The following GRM7 variants were observed in gnomAD, a reference collection of about 807,000 sequenced individuals.
GRM7 encodes the protein metabotropic glutamate receptor 7.
In GRM7, 35 loss-of-function variants were observed where a neutral mutation model predicts 84.5. The ratio of observed to expected loss-of-function variants is 0.41; its 90% CI spans 0.32 to 0.55. The LOEUF (loss-of-function observed/expected upper bound fraction) is 0.55. Among genes scored for constraint, GRM7 ranks in the 20% least tolerant of loss-of-function variants. The pLI is 0.19. For synonymous variants in GRM7, 487 were observed against 455.1 expected (o/e 1.07, Z -0.89); for missense variants, 1,003 against 1,194.6 (o/e 0.84, Z 2.36).
chr3:7,516,291 C>T (rs1381478793), intron 7 of GRM7, among the ~76,000 whole-genome samples: 1 of 149,920 alleles, frequency 6.7e-6, no homozygotes, highest in Non-Finnish European at 1.5e-5. Context: ...TCCTGGCTAA[C>T]ATGGTGAAAC....
chr3:7,600,440 G>C (rs1044905183), intron 8 of GRM7, among the ~76,000 whole-genome samples: 8 of 152,076 alleles, frequency 5.3e-5, no homozygotes, highest in African/African-American at 1.9e-4. Flanking sequence ...AGAGCTCTTA[G>C]TTGTCAATAA....
chr3:7,725,732 C>G (rs538827589), intron 9 of GRM7, among the ~76,000 whole-genome samples: 15 of 152,180 alleles, frequency 9.9e-5, no homozygotes, highest in Non-Finnish European at 1.9e-4. Flanking sequence ...AGATGCATGA[C>G]TTAGTCCAGA....
At chr3:6,876,436 A>G (rs944088820) in intron 1 of GRM7, among the ~76,000 whole-genome samples, 1 of 152,068 alleles carries the variant, frequency 6.6e-6, no homozygotes, top group Admixed American at 6.5e-5. Flanking sequence ...GTTTCATCCA[A>G]GTTTTTTGAG....
intron 2 of GRM7, among the ~76,000 whole-genome samples, chr3:7,199,232 A>G (rs988331794): frequency 6.6e-6 from 1 of 152,226 alleles, no homozygotes; most frequent in African/African-American, 2.4e-5. Context: ...TCTGTTCACC[A>G]TGCCATAAAG....
chr3:7,039,062 T>C (rs1221707150), intron 1 of GRM7, among the ~76,000 whole-genome samples: 1 of 152,172 alleles, frequency 6.6e-6, no homozygotes, highest in Non-Finnish European at 1.5e-5. Flanking sequence ...TGATGCATGG[T>C]CAAGTTTGAG....
At chr3:7,415,360 G>A (rs1199427102) in intron 5 of GRM7, among the ~76,000 whole-genome samples, 197 bp downstream of exon 5, 1 of 152,126 alleles carries the variant, frequency 6.6e-6, no homozygotes, top group African/African-American at 2.4e-5. Flanking sequence ...ATTCTTTTCT[G>A]CCTATCTAGC....
intron 1 of GRM7, among the ~76,000 whole-genome samples, chr3:7,025,172 A>G (rs1391838274): frequency 6.6e-6 from 1 of 152,136 alleles, no homozygotes; most frequent in East Asian, 1.9e-4. Context: ...GGGAATCCAT[A>G]TTATTTCACT....
intron 1 of GRM7, among the ~76,000 whole-genome samples, chr3:6,959,222 G>A (rs1460769623): frequency 6.6e-6 from 1 of 152,154 alleles, no homozygotes; most frequent in Non-Finnish European, 1.5e-5. Flanking sequence ...GCTTAGAGAA[G>A]TTAAGTACCT....
At chr3:7,438,543 C>A (rs1697152253) in intron 5 of GRM7, among the ~76,000 whole-genome samples, 1 of 152,026 alleles carries the variant, frequency 6.6e-6, no homozygotes, top group South Asian at 2.1e-4. Context: ...TGCAGTACCT[C>A]TGGGCAAATA....
chr3:7,189,560 A>C (rs1236550657), intron 2 of GRM7, among the ~76,000 whole-genome samples: 1 of 152,180 alleles, frequency 6.6e-6, no homozygotes, highest in African/African-American at 2.4e-5. Flanking sequence ...AAATATTCTG[A>C]GAGATATTTA....
chr3:6,937,827 G>C (rs1053580580), intron 1 of GRM7, among the ~76,000 whole-genome samples: 1 of 152,186 alleles, frequency 6.6e-6, no homozygotes, highest in Non-Finnish European at 1.5e-5. Flanking sequence ...TGGCAAGCTT[G>C]TTGTTGTGGT....
At chr3:6,884,117 T>C (rs1238982234) in intron 1 of GRM7, 1 of 152,658 alleles carries the variant, frequency 6.6e-6, no homozygotes, top group Non-Finnish European at 1.5e-5. Context: ...ATTTGACAGA[T>C]CTATTCAGTA....
At chr3:6,950,978 G>A (rs1026657289) in intron 1 of GRM7, among the ~76,000 whole-genome samples, 3 of 152,190 alleles carry the variant, frequency 2.0e-5, no homozygotes, top group Admixed American at 6.5e-5. Flanking sequence ...ACTAGGAAAG[G>A]GAATTCCCTG....
chr3:7,058,859 G>A (rs1344572007), intron 1 of GRM7, among the ~76,000 whole-genome samples: 2 of 151,820 alleles, frequency 1.3e-5, no homozygotes, highest in Non-Finnish European at 2.9e-5. Context: ...AGGCAGAGGA[G>A]AACAAAGGAA....
intron 7 of GRM7, among the ~76,000 whole-genome samples, chr3:7,528,540 T>A (rs66578992): frequency 0.31 from 47,078 of 151,880 alleles, 8,746 homozygotes; most frequent in African/African-American, 0.52. Flanking sequence ...TGCTTTTAGT[T>A]ATTTTTTTTC....
At chr3:7,293,271 T>C (rs1699699106) in intron 2 of GRM7, among the ~76,000 whole-genome samples, 2 of 152,126 alleles carry the variant, frequency 1.3e-5, no homozygotes, top group Admixed American at 1.3e-4. Context: ...GTGGTGTGAT[T>C]CCTGAGATTC....
chr3:7,076,867 A>C (rs1009350932), intron 1 of GRM7, among the ~76,000 whole-genome samples: 3 of 152,324 alleles, frequency 2.0e-5, no homozygotes, highest in South Asian at 4.1e-4. Flanking sequence ...TCTACAAGGA[A>C]CTTAAATTTA....
chr3:7,026,205 G>A (rs1275188140), intron 1 of GRM7, among the ~76,000 whole-genome samples: 1 of 152,184 alleles, frequency 6.6e-6, no homozygotes, highest in Non-Finnish European at 1.5e-5. Flanking sequence ...AAGACAAACT[G>A]GGTTGCACCT....
At chr3:6,992,493 C>T (rs1694677961) in intron 1 of GRM7, among the ~76,000 whole-genome samples, 1 of 152,208 alleles carries the variant, frequency 6.6e-6, no homozygotes, top group African/African-American at 2.4e-5. Context: ...GGAACAGAAT[C>T]CAATTTAGAT....
Sources: allele counts gnomAD v4.1 joint callset (sites outside exome capture counted in the v4.1 genomes callset), GRCh38; gene constraint gnomAD v4.1.1; transcripts MANE v1.5; gene names NCBI Gene and HGNC (gene_info 2026-07-23, HGNC 2026-07-21).